GABRA5: variants seen among roughly 807,000 people sequenced by gnomAD.
GABRA5 encodes gamma-aminobutyric acid receptor subunit alpha-5.
In GABRA5, 18 loss-of-function variants were observed where a neutral mutation model predicts 47.3. That is an observed-to-expected ratio of 0.38 (90% CI 0.26 to 0.56). GABRA5 has a LOEUF of 0.56. Ranked by LOEUF, GABRA5 falls within the 20% of genes least tolerant of loss-of-function variation. The pLI, the probability that GABRA5 is intolerant of heterozygous loss-of-function variation, is 0.71. For synonymous variants in GABRA5, 237 were observed against 229.3 expected (o/e 1.03, Z -0.30); for missense variants, 365 against 599.3 (o/e 0.61, Z 4.08).
intron 10 of GABRA5, among the ~76,000 whole-genome samples, chr15:26,945,340 T>A (rs1283110643): frequency 6.6e-6 from 1 of 152,196 alleles, no homozygotes; most frequent in African/African-American, 2.4e-5. Flanking sequence ...AGAGAGGACT[T>A]TAAAAAAATA....
chr15:26,920,632 C>G (rs1893821514), intron 7 of GABRA5, among the ~76,000 whole-genome samples: 1 of 152,094 alleles, frequency 6.6e-6, no homozygotes, highest in Non-Finnish European at 1.5e-5. Context: ...ACATATATCC[C>G]TGTTCCTCAT....
At chr15:26,905,377 C>G (rs2140284040) in intron 6 of GABRA5, among the ~76,000 whole-genome samples, 1 of 151,958 alleles carries the variant, frequency 6.6e-6, no homozygotes, top group African/African-American at 2.4e-5. Context: ...TACTTAGGAT[C>G]CCTTGTGCAT....
chr15:26,869,717 G>A (rs1262913610), intron 3 of GABRA5, among the ~76,000 whole-genome samples: 3 of 152,202 alleles, frequency 2.0e-5, no homozygotes. Flanking sequence ...TGCCCTCCAC[G>A]GTTCCATTAT....
chr15:26,885,442 G>T (rs1014247561), intron 6 of GABRA5, among the ~76,000 whole-genome samples: 2 of 152,178 alleles, frequency 1.3e-5, no homozygotes, highest in African/African-American at 4.8e-5. Context: ...AATGAGCAAA[G>T]GTGGCTTCTC....
chr15:26,882,025 A>C (rs184514180), intron 4 of GABRA5, among the ~76,000 whole-genome samples: 16 of 152,240 alleles, frequency 1.1e-4, no homozygotes, highest in African/African-American at 3.6e-4. Flanking sequence ...TAACAGGGAG[A>C]TCCACTTAAA....
chr15:26,876,191 T>G (rs1011851558), intron 3 of GABRA5, among the ~76,000 whole-genome samples: 2 of 152,118 alleles, frequency 1.3e-5, no homozygotes, highest in South Asian at 4.1e-4. Flanking sequence ...ACAGGTGCAG[T>G]GGTGGTGTGG....
intron 6 of GABRA5, among the ~76,000 whole-genome samples, chr15:26,888,136 GC>G (rs763130700): frequency 6.6e-6 from 1 of 152,200 alleles, no homozygotes; most frequent in Non-Finnish European, 1.5e-5. Flanking sequence ...CTGGCAGTGA[GC>G]CCGAGGCATT....
chr15:26,939,244 C>T, intron 8 of GABRA5: 1 of 765,306 alleles, frequency 1.3e-6, no homozygotes, highest in Non-Finnish European at 2.4e-6. Context: ...TACCAGTTCA[C>T]CGTGAGGACG....
chr15:26,944,221 C>T (rs748985077), intron 10 of GABRA5, among the ~76,000 whole-genome samples: 14 of 152,190 alleles, frequency 9.2e-5, no homozygotes, highest in Non-Finnish European at 2.1e-4. Flanking sequence ...GACCTCCCAG[C>T]CAAGGGCCAC....
intron 4 of GABRA5, among the ~76,000 whole-genome samples, chr15:26,882,869 A>G (rs1293746000): frequency 6.6e-6 from 1 of 152,196 alleles, no homozygotes; most frequent in Non-Finnish European, 1.5e-5. Flanking sequence ...GGGTGTTTGC[A>G]AAACCCCAAG....
intron 6 of GABRA5, among the ~76,000 whole-genome samples, chr15:26,908,446 T>C (rs992993842): frequency 1.3e-5 from 2 of 152,106 alleles, no homozygotes; most frequent in African/African-American, 4.8e-5. Context: ...TGCAGCCCAA[T>C]AGAAGAATAT....
At chr15:26,939,878 A>T (rs753789146) in intron 8 of GABRA5, 47 bp from the exon 9 acceptor site, 13 of 1,602,868 alleles carry the variant, frequency 8.1e-6, no homozygotes, top group African/African-American at 1.3e-5. Flanking sequence ...GGATGCAGCA[A>T]GCAGAGACTC....
rs538449842 is a variant in GABRA5 at position 26,870,892 on chromosome 15, T to G, written c.86+1558T>G. Among the ~76,000 whole-genome samples the G allele has an allele frequency of 7.2e-5, 11 of 152,366 alleles. No individual in the cohort carries two copies. The South Asian group carries it at 2.3e-3, about 32-fold the overall frequency. On this transcript the variant is annotated intron_variant, in intron 3 of 10. Transcript: ENST00000335625. ...ATCAGGATTGGAAACTTATATTTTC[T>G]TTAAAATATCTTGGCTAGGCCAGGC...
At chr15:26,899,485 A>G (rs1337437186) in intron 6 of GABRA5, among the ~76,000 whole-genome samples, 1 of 152,170 alleles carries the variant, frequency 6.6e-6, no homozygotes, top group Non-Finnish European at 1.5e-5. Flanking sequence ...AAGTCTTGTC[A>G]ATGTTCTCTC....
Position 26,910,792 on chromosome 15 carries a change from C to T in GABRA5, c.498-4011C>T, listed in dbSNP as rs150943065. On this transcript the variant is annotated intron_variant, in intron 6 of 10. Coordinates refer to ENST00000335625, the MANE Select transcript of GABRA5 (RefSeq NM_000810.4). ...GTGAAGTCTTTCCACAGTCAAGTTT[C>T]TTAACCTTTTGGGCTTGATTTTCTT... Among the ~76,000 whole-genome samples the T allele has an allele frequency of 5.8e-3, 884 of 152,194 alleles. 8 individuals are homozygous for T. Among genetic ancestry groups the T allele is most frequent in the African/African-American group, 0.02 (840 of 41,506 alleles).
At chr15:26,898,311 A>AC (rs35600696) in intron 6 of GABRA5, among the ~76,000 whole-genome samples, 78,433 of 151,950 alleles carry the variant, frequency 0.52, 20,397 homozygotes, top group Middle Eastern at 0.56. Flanking sequence ...TGGTGAGGCT[A>AC]CCTCAGGTGG....
chr15:26,941,441 A>G (rs893369058), intron 9 of GABRA5, among the ~76,000 whole-genome samples: 10 of 151,762 alleles, frequency 6.6e-5, no homozygotes, highest in South Asian at 2.1e-4. Flanking sequence ...GGATTTCTCA[A>G]AAAAAAAATC....
chr15:26,876,956 T>C (rs1258368050), intron 3 of GABRA5, among the ~76,000 whole-genome samples: 1 of 152,122 alleles, frequency 6.6e-6, no homozygotes, highest in Non-Finnish European at 1.5e-5. Flanking sequence ...GGCTCTGGCC[T>C]GTGGGGCCAT....
intron 7 of GABRA5, among the ~76,000 whole-genome samples, chr15:26,926,450 T>C (rs1447592079): frequency 6.6e-6 from 1 of 152,194 alleles, no homozygotes; most frequent in Admixed American, 6.5e-5. Flanking sequence ...CTATGATCTT[T>C]AGATATATAC....
Sources: gnomAD v4.1 joint callset for allele counts (sites outside exome capture counted in the v4.1 genomes callset) on GRCh38, gnomAD v4.1.1 for gene constraint, MANE v1.5 for transcripts, NCBI Gene and HGNC (gene_info 2026-07-23, HGNC 2026-07-21) for gene names.